The following ADGRB3 variants were observed in gnomAD, a reference collection of about 807,000 sequenced individuals.
ADGRB3 encodes adhesion G protein-coupled receptor B3, also known as brain-specific angiogenesis inhibitor 3.
In ADGRB3, 37 loss-of-function variants were observed where a neutral mutation model predicts 193.4. The ratio of observed to expected loss-of-function variants is 0.19; its 90% CI spans 0.15 to 0.25. ADGRB3 has a LOEUF of 0.25. Ranked by LOEUF, ADGRB3 falls within the 10% of genes least tolerant of loss-of-function variation. ADGRB3 has a pLI of 1.00. For missense variants in ADGRB3, 1,637 were observed against 1,852.9 expected (o/e 0.88, Z 2.14); for synonymous variants, 690 against 644.2 (o/e 1.07, Z -1.08).
At chr6:68,888,700 G>A (rs972249949) in intron 3 of ADGRB3, among the ~76,000 whole-genome samples, 2 of 152,092 alleles carry the variant, frequency 1.3e-5, no homozygotes, top group Non-Finnish European at 2.9e-5. Context: ...TAAGGAGATA[G>A]GGAAATGGAG....
chr6:68,847,308 A>G (rs1010681150), intron 3 of ADGRB3, among the ~76,000 whole-genome samples: 1 of 152,036 alleles, frequency 6.6e-6, no homozygotes, highest in Admixed American at 6.6e-5. Flanking sequence ...ATTAGTTAAG[A>G]CTTTGGGGGA....
intron 17 of ADGRB3, among the ~76,000 whole-genome samples, chr6:69,103,498 G>T (rs1169101520): frequency 6.6e-6 from 1 of 151,892 alleles, no homozygotes; most frequent in Admixed American, 6.6e-5. Flanking sequence ...TATTGATTAA[G>T]GAAAAAAAGA....
chr6:69,133,840 C>A (rs1445546939), intron 17 of ADGRB3, among the ~76,000 whole-genome samples: 1 of 152,002 alleles, frequency 6.6e-6, no homozygotes, highest in Non-Finnish European at 1.5e-5. Context: ...ACCTCCATCC[C>A]ACCCTTTCCC....
intron 13 of ADGRB3, among the ~76,000 whole-genome samples, chr6:69,039,253 A>G (rs201966323): frequency 7.5e-5 from 4 of 53,654 alleles, no homozygotes; most frequent in African/African-American, 2.0e-4. Context: ...ATAAGGAAAG[A>G]AAAAAAAAAA....
intron 20 of ADGRB3, among the ~76,000 whole-genome samples, chr6:69,261,286 A>G (rs9454720): frequency 0.17 from 26,496 of 152,106 alleles, 2,534 homozygotes; most frequent in African/African-American, 0.22. Flanking sequence ...AATTTCAGAA[A>G]TGCCATAAGT....
rs969658041 is a variant in ADGRB3, at chr6:69,306,154, G to A, written c.2815-18718G>A. Among the ~76,000 whole-genome samples the A allele has an allele frequency of 2.0e-5, 3 of 151,618 alleles. No homozygotes were observed. The East Asian group carries it at 5.8e-4, about 30-fold the overall frequency. The stretch of plus-strand genomic sequence containing the variant: ...GGGGGGAAGCAACTGTATATGTGGT[G>A]TTGGGGTGAGATGGGAGTTAGTAAG... On this transcript the variant is annotated intron_variant, in intron 20 of 31. Transcript: ENST00000370598.
chr6:68,875,363 C>T (rs761685808), intron 3 of ADGRB3, among the ~76,000 whole-genome samples: 4 of 144,138 alleles, frequency 2.8e-5, no homozygotes, highest in Non-Finnish European at 6.2e-5. Context: ...CCTAAATCAG[C>T]TGATATATTT....
intron 3 of ADGRB3, among the ~76,000 whole-genome samples, chr6:68,689,472 C>G (rs574936751): frequency 6.6e-6 from 1 of 152,230 alleles, no homozygotes; most frequent in South Asian, 2.1e-4. Context: ...TTAACCGGCT[C>G]AGGCCTGAAT....
At chr6:69,237,772 C>A (rs552779608) in intron 19 of ADGRB3, among the ~76,000 whole-genome samples, 1 of 151,922 alleles carries the variant, frequency 6.6e-6, no homozygotes, top group Non-Finnish European at 1.5e-5. Flanking sequence ...TTTTATGAAG[C>A]CCCTTAACTT....
chr6:69,373,140 G>A (rs1345080557), intron 30 of ADGRB3, among the ~76,000 whole-genome samples: 2 of 151,892 alleles, frequency 1.3e-5, no homozygotes, highest in African/African-American at 2.4e-5. Context: ...ATGTACTTAT[G>A]TGTATTGATA....
chr6:68,896,436 A>G (rs758775696), intron 3 of ADGRB3, among the ~76,000 whole-genome samples: 5 of 152,154 alleles, frequency 3.3e-5, no homozygotes, highest in Non-Finnish European at 4.4e-5. Context: ...AAAATAGCTG[A>G]AAATTTTCAA....
chr6:69,258,784 GT>G (rs1766837816), intron 20 of ADGRB3, among the ~76,000 whole-genome samples: 2 of 152,170 alleles, frequency 1.3e-5, no homozygotes, highest in South Asian at 4.1e-4. Flanking sequence ...CATCTGGAGA[GT>G]TTTTTAATTC....
intron 3 of ADGRB3, among the ~76,000 whole-genome samples, chr6:68,813,516 A>G (rs1562040443): frequency 6.6e-6 from 1 of 152,124 alleles, no homozygotes. Context: ...ATTAACTTAG[A>G]GCATGCAGGA....
rs760213462 is a variant in ADGRB3 at position 69,233,185 on chromosome 6, A to T, written c.2481-105A>T. The T allele has an allele frequency of 6.9e-6, 10 of 1,440,454 alleles. No individual in the cohort carries two copies. The South Asian group carries it at 1.3e-4, about 19-fold the overall frequency. 89.2% of individuals were successfully genotyped at this position (1,440,454 alleles called of 1,614,324 possible). ...AGTAGATTTTTTTTTCCTGTACAGG[A>T]ATTACAGTAGACGACTCTCTCAATT... On this transcript the variant is annotated intron_variant, in intron 17 of 31. Coordinates refer to ENST00000370598, the MANE Select transcript of ADGRB3 (RefSeq NM_001704.3).
chr6:68,957,188 T>C (rs530666914), intron 8 of ADGRB3, among the ~76,000 whole-genome samples: 5 of 152,340 alleles, frequency 3.3e-5, no homozygotes, highest in Admixed American at 3.3e-4. Context: ...GTTTGCCCCA[T>C]TTTTCATTGG....
chr6:69,266,859 G>C (rs1767052615), intron 20 of ADGRB3, among the ~76,000 whole-genome samples: 1 of 151,974 alleles, frequency 6.6e-6, no homozygotes, highest in Admixed American at 6.6e-5. Context: ...AGAAAAATGA[G>C]GATAATTATA....
chr6:69,273,193 G>A (rs994045575), intron 20 of ADGRB3, among the ~76,000 whole-genome samples: 9 of 152,118 alleles, frequency 5.9e-5, no homozygotes, highest in African/African-American at 1.2e-4. Flanking sequence ...GAGCCACTGC[G>A]CCTGGCCCTA....
intron 17 of ADGRB3, among the ~76,000 whole-genome samples, chr6:69,232,808 AC>A (rs1309172211): frequency 2.0e-5 from 3 of 152,208 alleles, no homozygotes; most frequent in African/African-American, 7.2e-5. Flanking sequence ...AAGCTATGTA[AC>A]CTTTTAGTCA....
At chr6:69,023,888 G>C (rs562570243) in intron 13 of ADGRB3, among the ~76,000 whole-genome samples, 5 of 152,074 alleles carry the variant, frequency 3.3e-5, no homozygotes, top group Non-Finnish European at 7.4e-5. Flanking sequence ...ATAACTGACT[G>C]GGGTGTGAGA....
Sources: gnomAD v4.1 joint callset for allele counts (sites outside exome capture counted in the v4.1 genomes callset) on GRCh38, gnomAD v4.1.1 for gene constraint, MANE v1.5 for transcripts, NCBI Gene and HGNC (gene_info 2026-07-23, HGNC 2026-07-21) for gene names.